The following IFT57 variants were observed in gnomAD, a reference collection of about 807,000 sequenced individuals.
IFT57 encodes intraflagellar transport protein 57 homolog.
Under a neutral mutation model 56.8 loss-of-function variants are expected in IFT57, and 59 were observed. That is an observed-to-expected ratio of 1.04 (90% confidence interval 0.84 to 1.29). The LOEUF is 1.29. Among genes scored for constraint, IFT57 ranks in the 50% most tolerant of loss-of-function variants. The probability of loss-of-function intolerance (pLI) is 0.00; values close to 1 mark genes in which losing one functional copy is unlikely to be tolerated. For missense variants in IFT57, 470 were observed against 522.1 expected (o/e 0.90, Z 0.97); for synonymous variants, 209 against 186.1 (o/e 1.12, Z -1.00).
In IFT57 at chr3:108,167,172, T is replaced by G. The variant is rs974263275; in HGVS notation, c.850-187A>C. 9.1e-5 allele frequency: 49 copies of G among 538,752 alleles called. No individual in the cohort carries two copies. In the South Asian group the frequency reaches 1.3e-3, roughly 14 times the overall value. The allele number at this position is 538,752 out of a possible 1,614,324, so 33.4% of individuals were successfully genotyped here. A position where few individuals can be genotyped will look rare whatever the true frequency, so the allele number is the denominator to read the frequency against. ...AATATTTTAACCACACTTAGAAGAG[T>G]TTTAGAATAAAAATGCACCTGGCAG... is the stretch of plus-strand genomic sequence containing the variant. On this transcript the variant is annotated intron_variant, in intron 7 of 10. Coordinates refer to ENST00000264538, the MANE Select transcript of IFT57 (RefSeq NM_018010.4).
chr3:108,191,776 T>C (rs2080216435), intron 5 of IFT57, 133 bp from the exon 6 acceptor site: 1 of 506,446 alleles, frequency 2.0e-6, no homozygotes, highest in Non-Finnish European at 3.3e-6. Flanking sequence ...GAAGAAATTA[T>C]TTTCTGTCTT....
At chr3:108,168,175 A>G (rs2080072356) in intron 6 of IFT57, among the ~76,000 whole-genome samples, 1 of 152,030 alleles carries the variant, frequency 6.6e-6, no homozygotes, top group Non-Finnish European at 1.5e-5. Context: ...TAATTACTAG[A>G]AAAGAACTAC....
intron 5 of IFT57, among the ~76,000 whole-genome samples, chr3:108,199,597 A>C (rs1220740173): frequency 2.0e-5 from 3 of 152,234 alleles, no homozygotes; most frequent in Admixed American, 1.3e-4. Context: ...TCCTCCAGCC[A>C]GAAAAGAAGC....
chr3:108,210,332 CTT>C (rs35896793), intron 4 of IFT57, among the ~76,000 whole-genome samples: 3,804 of 107,940 alleles, frequency 0.035, 68 homozygotes, highest in Middle Eastern at 0.098. Context: ...CAGAAATAAT[CTT>C]TTTTTTTTTT....
At chr3:108,168,682 C>T (rs1010832203) in intron 6 of IFT57, among the ~76,000 whole-genome samples, 11 of 151,950 alleles carry the variant, frequency 7.2e-5, no homozygotes, top group Non-Finnish European at 1.5e-4. Context: ...GTGTGATGTT[C>T]CCTTCCCTGT....
rs1389557289 is a variant in IFT57 at position 108,173,798 on chromosome 3, GTGTGTGTGTGTATA to G, written c.778-5948_778-5935del. On this transcript the variant is annotated intron_variant, in intron 6 of 10. Transcript: ENST00000264538. ...TGTGTGTGTGTGTGTGTGTGTGTGT[GTGTGTGTGTGTATA>G]TAATATAGTATATTATATACAGTAA... 4.5e-3 allele frequency among the ~76,000 whole-genome samples: 661 copies of G among 147,438 alleles called. 4 individuals carry two copies. The highest frequency in any genetic ancestry group is 0.016 in the African/African-American group (634 of 39,806).
intron 1 of IFT57, among the ~76,000 whole-genome samples, chr3:108,221,859 C>T (rs1291413577): frequency 1.3e-5 from 2 of 152,164 alleles, no homozygotes; most frequent in Non-Finnish European, 2.9e-5. Context: ...TGGAAAAAAA[C>T]AGGCAAGCTG....
chr3:108,181,034 C>G (rs1322201451), intron 6 of IFT57, among the ~76,000 whole-genome samples: 1 of 151,962 alleles, frequency 6.6e-6, no homozygotes, highest in African/African-American at 2.4e-5. Context: ...AAATCTGCTA[C>G]CACTCTTGAT....
At chr3:108,167,028 A>C (rs2305551) in intron 7 of IFT57, 43 bp from the exon 8 acceptor site, 1 of 1,552,460 alleles carries the variant, frequency 6.4e-7, no homozygotes, top group Non-Finnish European at 8.7e-7. Context: ...ACTCACAAAC[A>C]TATTTTTTCA....
intron 6 of IFT57, among the ~76,000 whole-genome samples, chr3:108,180,005 C>T (rs542322591): frequency 1.3e-5 from 2 of 151,880 alleles, no homozygotes; most frequent in Non-Finnish European, 2.9e-5. Flanking sequence ...CAGGGATGTT[C>T]CTGCTTTCTA....
intron 5 of IFT57, among the ~76,000 whole-genome samples, chr3:108,196,887 T>G (rs1261327956): frequency 6.6e-6 from 1 of 152,208 alleles, no homozygotes. Flanking sequence ...ATACATTAAC[T>G]GAGCAAGCCC....
At chr3:108,212,407 T>A (rs1380190708) in intron 4 of IFT57, among the ~76,000 whole-genome samples, 1 of 152,092 alleles carries the variant, frequency 6.6e-6, no homozygotes, top group Non-Finnish European at 1.5e-5. Context: ...TTTGGATATA[T>A]GTCCCCTCCT....
chr3:108,206,579 C>T, intron 5 of IFT57, 49 bp downstream of exon 5: 1 of 791,800 alleles, frequency 1.3e-6, no homozygotes, highest in Non-Finnish European at 1.9e-6. Context: ...TCCAGCAGAA[C>T]ATGTACATTG....
Position 108,219,522 on chromosome 3 carries a change from C to G in IFT57, c.263G>C (p.Cys88Ser). ...ATTAATCAACCAAGCAGCAAGAGTA[C>G]AAAACATGTAGAACTGTTCGCCAGG... The part of the protein sequence containing the change: ...TNPGEQFYMF[C>S]TLAAWLINKA... The change falls in exon 2 of 11, where the codon TGT becomes TCT. Residue 88 changes from cysteine (C) to serine (S), a missense_variant. Coordinates refer to ENST00000264538, the MANE Select transcript of IFT57 (RefSeq NM_018010.4). The G allele has an allele frequency of 1.2e-6, 2 of 1,613,908 alleles. No homozygotes were observed. Among genetic ancestry groups the G allele is most frequent in the South Asian group, 2.2e-5 (2 of 91,076 alleles).
intron 4 of IFT57, among the ~76,000 whole-genome samples, chr3:108,211,886 T>C (rs1347067434): frequency 6.6e-6 from 1 of 152,260 alleles, no homozygotes; most frequent in Non-Finnish European, 1.5e-5. Flanking sequence ...GTTAATGTTA[T>C]ATCAACATAA....
At chr3:108,177,554 C>CA (rs2080130610) in intron 6 of IFT57, among the ~76,000 whole-genome samples, 1 of 150,900 alleles carries the variant, frequency 6.6e-6, no homozygotes, top group South Asian at 2.1e-4. Context: ...AGTTTAACAC[C>CA]AAAAAAATCA....
chr3:108,178,331 A>G (rs1186332096), intron 6 of IFT57, among the ~76,000 whole-genome samples: 1 of 151,900 alleles, frequency 6.6e-6, no homozygotes, highest in African/African-American at 2.4e-5. Context: ...ATAAAGCTTA[A>G]AAAAGAAAAC....
chr3:108,220,068 C>T (rs2080397046), intron 1 of IFT57, among the ~76,000 whole-genome samples: 1 of 152,190 alleles, frequency 6.6e-6, no homozygotes, highest in Admixed American at 6.5e-5. Flanking sequence ...AATACTGGTA[C>T]TTGACCAAAC....
chr3:108,178,353 A>G (rs1158720744), intron 6 of IFT57, among the ~76,000 whole-genome samples: 1 of 151,936 alleles, frequency 6.6e-6, no homozygotes, highest in Non-Finnish European at 1.5e-5. Flanking sequence ...GTCTGAGAAT[A>G]TCTTCATAAT....
Sources: allele counts gnomAD v4.1 joint callset (sites outside exome capture counted in the v4.1 genomes callset), GRCh38; gene constraint gnomAD v4.1.1; transcripts MANE v1.5; gene names NCBI Gene and HGNC (gene_info 2026-07-23, HGNC 2026-07-21).